Variants in FSTL5 observed in about 807,000 individuals in gnomAD.
The protein encoded by FSTL5 is follistatin like 5.
FSTL5 carries 62 observed loss-of-function variants against 89.1 expected under a neutral mutation model. The observed-to-expected ratio is 0.70, with a 90% CI of 0.57 to 0.86. The LOEUF (loss-of-function observed/expected upper bound fraction) is 0.86. Ranked by LOEUF, FSTL5 falls within the 40% of genes least tolerant of loss-of-function variation. The probability of loss-of-function intolerance (pLI) is 0.00; values close to 1 mark genes in which losing one functional copy is unlikely to be tolerated. For missense variants in FSTL5, 1,057 were observed against 1,001.6 expected (o/e 1.06, Z -0.75); for synonymous variants, 383 against 346.2 (o/e 1.11, Z -1.18).
chr4:161,986,957 G>C (rs139397065), intron 3 of FSTL5, among the ~76,000 whole-genome samples: 1 of 152,248 alleles, frequency 6.6e-6, no homozygotes, highest in Admixed American at 6.5e-5. Context: ...TTCAAAACTA[G>C]AAGTTGTGAA....
chr4:162,140,143 G>A (rs1732669640), intron 1 of FSTL5, among the ~76,000 whole-genome samples: 1 of 151,956 alleles, frequency 6.6e-6, no homozygotes, highest in South Asian at 2.1e-4. Flanking sequence ...AAGTACTAGT[G>A]AGAATAGGAA....
chr4:161,538,438 A>G (rs1731708398), intron 9 of FSTL5, 138 bp from the exon 10 acceptor site: 1 of 875,562 alleles, frequency 1.1e-6, no homozygotes. Flanking sequence ...CTTTGAAGGC[A>G]TGCCAAATTA....
intron 1 of FSTL5, among the ~76,000 whole-genome samples, chr4:162,117,533 G>A (rs991118159): frequency 6.6e-6 from 1 of 152,190 alleles, no homozygotes; most frequent in Non-Finnish European, 1.5e-5. Flanking sequence ...AGAAGGATGT[G>A]ATTAGAGAGG....
chr4:161,956,146 G>A (rs977331256), intron 3 of FSTL5, among the ~76,000 whole-genome samples: 1 of 151,886 alleles, frequency 6.6e-6, no homozygotes, highest in East Asian at 1.9e-4. Context: ...ACCTGTGCAG[G>A]ATTTCTACTA....
intron 3 of FSTL5, among the ~76,000 whole-genome samples, chr4:161,934,761 T>C (rs938958800): frequency 5.9e-5 from 9 of 152,132 alleles, no homozygotes; most frequent in African/African-American, 2.2e-4. Flanking sequence ...TGTTAGACAT[T>C]ATGACAGACT....
intron 4 of FSTL5, among the ~76,000 whole-genome samples, chr4:161,916,514 T>C (rs2110848551): frequency 6.6e-6 from 1 of 152,332 alleles, no homozygotes; most frequent in East Asian, 1.9e-4. Flanking sequence ...CTAGGCATTT[T>C]ATAAAAATAG....
intron 4 of FSTL5, among the ~76,000 whole-genome samples, chr4:161,913,053 G>C (rs1274760745): frequency 6.6e-6 from 1 of 152,162 alleles, no homozygotes; most frequent in Non-Finnish European, 1.5e-5. Flanking sequence ...AAGCATTCAA[G>C]AGCTGACTTG....
chr4:161,903,747 T>C (rs1733438533), intron 4 of FSTL5, among the ~76,000 whole-genome samples: 1 of 147,740 alleles, frequency 6.8e-6, no homozygotes, highest in Admixed American at 7.0e-5. Context: ...AGGGATATTA[T>C]ATGAATTTTT....
chr4:161,447,339 T>C (rs1028100459), intron 15 of FSTL5, among the ~76,000 whole-genome samples: 1 of 152,078 alleles, frequency 6.6e-6, no homozygotes, highest in Admixed American at 6.6e-5. Context: ...GTTCTTTAAA[T>C]CAAATCGCAT....
At chr4:161,598,582 A>G (rs1734118536) in intron 7 of FSTL5, among the ~76,000 whole-genome samples, 1 of 152,164 alleles carries the variant, frequency 6.6e-6, no homozygotes. Flanking sequence ...ATTAAGATAA[A>G]GTGTCTCTGG....
chr4:161,444,239 G>A (rs1256673401), intron 15 of FSTL5, among the ~76,000 whole-genome samples: 1 of 151,812 alleles, frequency 6.6e-6, no homozygotes, highest in African/African-American at 2.4e-5. Flanking sequence ...GTGAGACTGG[G>A]GAGGAACAGA....
At chr4:161,726,466 G>A (rs993772372) in intron 6 of FSTL5, among the ~76,000 whole-genome samples, 2 of 151,758 alleles carry the variant, frequency 1.3e-5, no homozygotes, top group African/African-American at 4.8e-5. Context: ...GACCTCAAGT[G>A]GTCCGCCCAC....
In FSTL5 at chr4:161,539,111, T is replaced by C. The variant is rs947591408; in HGVS notation, c.1178-811A>G. Among the ~76,000 whole-genome samples, 8 of 152,188 alleles carry C rather than the reference T, an allele frequency of 5.3e-5. No homozygotes were observed. The East Asian group carries it at 1.5e-3, about 29-fold the overall frequency. ...TTATAGTCATTTGTTTAAGTTTCTC[T>C]TTCCTTTCTTTTCTTTTTCTTTGTT... is the stretch of plus-strand genomic sequence containing the variant. On this transcript the variant is annotated intron_variant, in intron 9 of 15. Coordinates refer to ENST00000306100, the MANE Select transcript of FSTL5 (RefSeq NM_020116.5).
chr4:161,555,864 C>A (rs1056813187), intron 8 of FSTL5, among the ~76,000 whole-genome samples: 2 of 151,456 alleles, frequency 1.3e-5, no homozygotes, highest in Admixed American at 6.6e-5. Context: ...ATAAGAGGAA[C>A]AGAAAATGTG....
chr4:161,409,348 T>A (rs560813895), intron 15 of FSTL5, among the ~76,000 whole-genome samples: 1 of 152,106 alleles, frequency 6.6e-6, no homozygotes, highest in African/African-American at 2.4e-5. Flanking sequence ...AACTTTTCCC[T>A]GAGAGCAAAT....
chr4:161,448,404 C>T (rs951391775), intron 15 of FSTL5, among the ~76,000 whole-genome samples: 2 of 152,064 alleles, frequency 1.3e-5, no homozygotes, highest in Admixed American at 1.3e-4. Flanking sequence ...CTGGCCTGTC[C>T]ATGAATCAAG....
chr4:162,041,596 G>T (rs1466442515), intron 2 of FSTL5, among the ~76,000 whole-genome samples: 3 of 151,958 alleles, frequency 2.0e-5, no homozygotes, highest in Admixed American at 6.6e-5. Context: ...TGCTAAAATT[G>T]TAGTTGCTTC....
At chr4:161,828,770 T>C (rs1198413710) in intron 4 of FSTL5, among the ~76,000 whole-genome samples, 1 of 152,140 alleles carries the variant, frequency 6.6e-6, no homozygotes, top group Non-Finnish European at 1.5e-5. Context: ...GTACTTTGTC[T>C]CTAAATTTAA....
chr4:161,923,246 T>C (rs762863710), intron 3 of FSTL5, among the ~76,000 whole-genome samples: 5 of 151,880 alleles, frequency 3.3e-5, no homozygotes, highest in Non-Finnish European at 5.9e-5. Context: ...GCTGCCAGAT[T>C]CCTGAATTGT....
Sources: allele counts gnomAD v4.1 joint callset (sites outside exome capture counted in the v4.1 genomes callset), GRCh38; gene constraint gnomAD v4.1.1; transcripts MANE v1.5; gene names NCBI Gene and HGNC (gene_info 2026-07-23, HGNC 2026-07-21).